CHADL: variants seen among roughly 807,000 people sequenced by gnomAD.
The protein encoded by CHADL is chondroadherin like.
Under a neutral mutation model 52.1 loss-of-function variants are expected in CHADL, and 48 were observed. The observed-to-expected ratio is 0.92, with a 90% CI of 0.73 to 1.17. The LOEUF (loss-of-function observed/expected upper bound fraction) is 1.17. CHADL is among the 50% of genes most tolerant of loss of function. The pLI, the probability that CHADL is intolerant of heterozygous loss-of-function variation, is 0.00. For missense variants in CHADL, 977 were observed against 1,035.1 expected, an observed-to-expected ratio of 0.94 and a Z score of 0.77; for synonymous variants, 498 against 511.2, an observed-to-expected ratio of 0.97 and a Z score of 0.35.
chr22:41,237,473 C>T lies in CHADL; in HGVS notation c.1599G>A (p.Val533=), dbSNP rs1477938636. ...CCAGGTCCCCAGGTGCCAGGCGGTC[C>T]ACAGCGTTGTCCTGCAGGTGCAGGG... ...LFSLHLQDNA[V]DRLAPGDLGR... The change falls in exon 3 of 6, where the codon GTG becomes GTA. Residue 533 remains valine, a synonymous_variant. Coordinates refer to ENST00000216241, the MANE Select transcript of CHADL (RefSeq NM_138481.2). 6.4e-7 allele frequency: 1 copy of T among 1,550,452 alleles called. No homozygotes were observed. Among genetic ancestry groups the T allele is most frequent in the Non-Finnish European group, 8.7e-7 (1 of 1,146,972 alleles).
intron 1 of CHADL, among the ~76,000 whole-genome samples, chr22:41,239,953 C>G (rs1229767975): frequency 6.6e-6 from 1 of 152,204 alleles, no homozygotes; most frequent in South Asian, 2.1e-4. Context: ...TGGTGAGGCT[C>G]TGGTCCAGGG....
chr22:41,237,108 G>A, intron 3 of CHADL, 68 bp downstream of exon 3: 1 of 1,435,022 alleles, frequency 7.0e-7, no homozygotes, highest in South Asian at 1.4e-5. Context: ...TGCTTGTTGA[G>A]TGAATGCACG....
In CHADL at chr22:41,229,647, C is replaced by G. The variant is rs2032442480; in HGVS notation, c.*57G>C. 2 of 1,613,564 alleles carry G rather than the reference C, an allele frequency of 1.2e-6. No individual in the cohort carries two copies. Among genetic ancestry groups the G allele is most frequent in the Non-Finnish European group, 1.7e-6 (2 of 1,180,024 alleles). ...CAGGAAGATCTCGTCGGAGCCTGTTCCTGGCGAGAGTAAGAGCCACCGGGC... is the reference window on the plus strand; with the variant it reads ...CAGGAAGATCTCGTCGGAGCCTGTTGCTGGCGAGAGTAAGAGCCACCGGGC... On this transcript the variant is annotated 3_prime_UTR_variant, in exon 6 of 6. Transcript: ENST00000216241.
chr22:41,234,474 C>T (rs1026633633), intron 5 of CHADL, among the ~76,000 whole-genome samples: 10 of 151,436 alleles, frequency 6.6e-5, no homozygotes, highest in African/African-American at 9.7e-5. Context: ...CTCTGCCTCC[C>T]GGGTTCAAGC....
rs1569159523 is a variant in CHADL at position 41,237,916 on chromosome 22, C to G, written c.1156G>C (p.Gly386Arg). 1.5e-6 allele frequency: 2 copies of G among 1,290,900 alleles called. No individual in the cohort carries two copies. The highest frequency in any genetic ancestry group is 1.6e-5 in the African/African-American group (1 of 64,324). The allele number at this position is 1,290,900 out of a possible 1,614,324, so 80.0% of individuals were successfully genotyped here. Reference protein sequence around the residue: ...PRAPPRGPPRGPGEERAVAPC... With the variant: ...PRAPPRGPPRRPGEERAVAPC... ...GCGACTGCCCGCTCCTCCCCGGGGC[C>G]GCGCGGAGGGCCGCGCGGAGGGGCG... The change falls in exon 3 of 6, where the codon GGC becomes CGC. Residue 386 changes from glycine to arginine, a missense_variant. By Grantham distance (125) the Gly-to-Arg change is moderately radical. Coordinates refer to ENST00000216241, the MANE Select transcript of CHADL (RefSeq NM_138481.2).
chr22:41,238,350 G>A lies in CHADL; in HGVS notation c.722C>T (p.Pro241Leu), dbSNP rs1193678852. 6.6e-7 allele frequency: 1 copy of A among 1,508,206 alleles called. No homozygotes were observed. The allele number at this position is 1,508,206 out of a possible 1,614,324, so 93.4% of individuals were successfully genotyped here. ...GTCCTCCTCGCCCGCGTAGGTGAGC[G>A]GGTTGTGGCCCAGCTCCAGACGGGC... is the stretch of plus-strand genomic sequence containing the variant. ...GLARLELGHN[P>L]LTYAGEEDGL... Residue 241 changes from proline to leucine, a missense_variant, in exon 3 of 6, where the codon CCG becomes CTG. Physicochemically the swap from Pro to Leu is moderately conservative, Grantham distance 98. Transcript: ENST00000216241. The surrounding 1 kb of genome is among the most constrained non-coding windows in gnomAD (Gnocchi z 4.9).
chr22:41,236,600 G>A lies in CHADL; in HGVS notation c.1947C>T (p.His649=). ...SGLGPGLQSL[H]LQKNQLRALP... ...GGGCCCGAAGCTGGTTCTTCTGCAG[G>A]TGCAGGCTCTGGAGCCCGGGCCCCA... The change falls in exon 4 of 6, where the codon CAC becomes CAT. Residue 649 remains histidine, a synonymous_variant. Transcript: ENST00000216241. 1 of 1,550,942 alleles carries A rather than the reference G, an allele frequency of 6.4e-7. No homozygotes were observed. The highest frequency in any genetic ancestry group is 8.7e-7 in the Non-Finnish European group (1 of 1,146,946).
rs1335174921 is a variant in CHADL, at chr22:41,237,925, G to A, written c.1147C>T (p.Pro383Ser). The change falls in exon 3 of 6, where the codon CCT becomes TCT. Residue 383 changes from proline to serine, a missense_variant. Transcript: ENST00000216241. ...CGCTCCTCCCCGGGGCCGCGCGGAG[G>A]GCCGCGCGGAGGGGCGCGGGGCCCG... is the stretch of plus-strand genomic sequence containing the variant. ...VAGPRAPPRG[P>S]PRGPGEERAV... 2 of 1,279,374 alleles carry A rather than the reference G, an allele frequency of 1.6e-6. No homozygotes were observed. The highest frequency in any genetic ancestry group is 4.2e-5 in the Admixed American group (1 of 23,552). 79.3% of individuals were successfully genotyped at this position (1,279,374 alleles called of 1,614,324 possible). A position where few individuals can be genotyped will look rare whatever the true frequency, so the allele number is the denominator to read the frequency against.
chr22:41,234,280 G>A (rs187486611), intron 5 of CHADL, among the ~76,000 whole-genome samples: 211 of 152,322 alleles, frequency 1.4e-3, no homozygotes, highest in Middle Eastern at 6.8e-3. Flanking sequence ...TCCCACAGCA[G>A]GAGCAAATGG....
At chr22:41,240,703 T>A in intron 1 of CHADL, 171 bp downstream of exon 1, 1 of 692,106 alleles carries the variant, frequency 1.4e-6, no homozygotes, top group South Asian at 1.8e-5. Context: ...AGTGGCCACA[T>A]TGCCACGTGT....
In CHADL at chr22:41,238,837, CGG is replaced by C; in HGVS notation, c.233_234del (p.Pro78ArgfsTer46). On this transcript the variant is annotated frameshift_variant, in exon 3 of 6. Coordinates refer to ENST00000216241, the MANE Select transcript of CHADL (RefSeq NM_138481.2). LOFTEE classifies it high-confidence loss of function. The surrounding 1 kb of genome is among the most constrained non-coding windows in gnomAD (Gnocchi z 4.9). ...TGAGGCACGCCCTGGAAGGCGGCTG[CGG>C]GGATCACCTTCAGCAAATTGCCCTG... ...DLQGNLLKVI[P>X]AAAFQGVPHL... is the part of the protein sequence containing the mutation. 1 of 1,546,772 alleles carries C rather than the reference CGG, an allele frequency of 6.5e-7. No individual in the cohort carries two copies. The highest frequency in any genetic ancestry group is 8.7e-7 in the Non-Finnish European group (1 of 1,144,502).
intron 3 of CHADL, 133 bp downstream of exon 3, chr22:41,237,043 T>G: frequency 1.0e-6 from 1 of 955,762 alleles, no homozygotes; most frequent in Non-Finnish European, 1.5e-6. Flanking sequence ...GCAGTCCTGG[T>G]TTATCTCAGG....
At chr22:41,232,214 C>A (rs2032625435) in intron 5 of CHADL, among the ~76,000 whole-genome samples, 1 of 152,052 alleles carries the variant, frequency 6.6e-6, no homozygotes, top group Admixed American at 6.6e-5. Context: ...CACCTGTAAT[C>A]CCAGCTACTC....
Position 41,237,703 on chromosome 22 carries a change from G to T in CHADL, c.1369C>A (p.Gln457Lys). ...TCCAGCTCCGCGATGCCGCAGTGCT[G>T]CAGGTGCAGCGACACCAGGTGGCCC... Reference protein sequence around the residue: ...GLGHLVSLHLQHCGIAELEAG... With the variant: ...GLGHLVSLHLKHCGIAELEAG... The change falls in exon 3 of 6, where the codon CAG becomes AAG. Residue 457 changes from glutamine (Q) to lysine (K), a missense_variant. By Grantham distance (53) the Gln-to-Lys change is moderately conservative (BLOSUM62 1). Coordinates refer to ENST00000216241, the MANE Select transcript of CHADL (RefSeq NM_138481.2). The T allele has an allele frequency of 6.5e-7, 1 of 1,541,830 alleles. No homozygotes were observed.
chr22:41,233,259 C>T (rs947999521), intron 5 of CHADL, among the ~76,000 whole-genome samples: 6 of 151,954 alleles, frequency 3.9e-5, no homozygotes, highest in African/African-American at 1.5e-4. Flanking sequence ...GTCAGGAGTT[C>T]GAGACCAGCC....
chr22:41,232,494 C>T (rs1325239983), intron 5 of CHADL, among the ~76,000 whole-genome samples: 4 of 152,132 alleles, frequency 2.6e-5, no homozygotes, highest in Admixed American at 2.0e-4. Flanking sequence ...GACTGGCAGA[C>T]GTCCATCCTG....
chr22:41,232,101 G>A (rs1289864251), intron 5 of CHADL, among the ~76,000 whole-genome samples: 4 of 152,082 alleles, frequency 2.6e-5, no homozygotes, highest in African/African-American at 7.2e-5. Flanking sequence ...GGGAGGCCAC[G>A]GCGGGCGGAT....
At chr22:41,230,681 C>T in intron 5 of CHADL, 1 of 179,376 alleles carries the variant, frequency 5.6e-6, no homozygotes, top group Non-Finnish European at 1.2e-5. Flanking sequence ...AGTTCTAGAG[C>T]AGCTCTCTGA....
rs12168855 is a variant in CHADL, at chr22:41,234,272, C to T, written c.2262+873G>A. On this transcript the variant is annotated intron_variant, in intron 5 of 5. Coordinates refer to ENST00000216241, the MANE Select transcript of CHADL (RefSeq NM_138481.2). Reference sequence around the variant, plus strand: ...GTGGCTTATAGGAAAGGCCACTGTCCCACAGCAGGAGCAAATGGTCACTCC... The same window carrying T: ...GTGGCTTATAGGAAAGGCCACTGTCTCACAGCAGGAGCAAATGGTCACTCC... Among the ~76,000 whole-genome samples the T allele has an allele frequency of 3.0e-3, 456 of 152,262 alleles. 2 individuals carry two copies. The highest frequency in any genetic ancestry group is 9.9e-3 in the African/African-American group (413 of 41,548).
Sources: gnomAD v4.1 joint callset for allele counts (sites outside exome capture counted in the v4.1 genomes callset) on GRCh38, gnomAD v4.1.1 for gene constraint, Gnocchi (gnomAD v3.1) non-coding constraint, MANE v1.5 for transcripts, NCBI Gene and HGNC (gene_info 2026-07-23, HGNC 2026-07-21) for gene names.